Variants in FGF14 observed in about 807,000 individuals in gnomAD.
The protein encoded by FGF14 is fibroblast growth factor homologous factor 4.
In FGF14, 5 loss-of-function variants were observed where a neutral mutation model predicts 25.5. That is an observed-to-expected ratio of 0.20 (90% CI 0.10 to 0.41). FGF14 has a LOEUF of 0.41. FGF14 is among the 10% of genes least tolerant of loss of function. FGF14 has a pLI of 1.00. For synonymous variants in FGF14, 138 were observed against 118.3 expected (o/e 1.17, Z -1.08); for missense variants, 222 against 320.1 (o/e 0.69, Z 2.34).
intron 1 of FGF14, among the ~76,000 whole-genome samples, chr13:102,382,615 G>A (rs1422717640): frequency 6.6e-6 from 1 of 152,030 alleles, no homozygotes; most frequent in Admixed American, 6.6e-5. Flanking sequence ...TAATTCCATT[G>A]CTAGTTACAT....
At chr13:101,954,258 A>G (rs781755892) in intron 1 of FGF14, among the ~76,000 whole-genome samples, 13 of 142,834 alleles carry the variant, frequency 9.1e-5, no homozygotes, top group Non-Finnish European at 1.5e-4. Flanking sequence ...TGTTCTGTTC[A>G]GTAAAATTAG....
intron 3 of FGF14, among the ~76,000 whole-genome samples, chr13:101,787,935 G>A (rs2140068625): frequency 6.6e-6 from 1 of 152,270 alleles, no homozygotes; most frequent in African/African-American, 2.4e-5. Context: ...GCAGTGGCAG[G>A]ATTTCACCTC....
chr13:101,969,067 A>T (rs2139523839), intron 1 of FGF14, among the ~76,000 whole-genome samples: 1 of 152,274 alleles, frequency 6.6e-6, no homozygotes, highest in South Asian at 2.1e-4. Context: ...GGTCAGTGGA[A>T]GGGGAGGTAA....
chr13:101,726,211 C>T (rs180933271), intron 4 of FGF14, among the ~76,000 whole-genome samples: 4 of 152,074 alleles, frequency 2.6e-5, no homozygotes, highest in Admixed American at 6.6e-5. Context: ...ACTTTTGATT[C>T]CACGCTCAAA....
intron 1 of FGF14, among the ~76,000 whole-genome samples, chr13:102,187,749 G>C (rs925678437): frequency 3.9e-4 from 59 of 152,304 alleles, no homozygotes; most frequent in African/African-American, 1.4e-3. Flanking sequence ...AAAAGCCATA[G>C]TTACAGTTGG....
At chr13:102,185,037 C>A (rs2048824119) in intron 1 of FGF14, among the ~76,000 whole-genome samples, 1 of 151,990 alleles carries the variant, frequency 6.6e-6, no homozygotes, top group East Asian at 1.9e-4. Context: ...AATTTAATAA[C>A]ATTAAAAATG....
At chr13:101,867,528 A>T (rs1041565356) in intron 3 of FGF14, among the ~76,000 whole-genome samples, 1 of 152,200 alleles carries the variant, frequency 6.6e-6, no homozygotes, top group Non-Finnish European at 1.5e-5. Context: ...CAAAAATAAC[A>T]GAGCAAGTTC....
At chr13:101,743,014 A>G (rs1407943479) in intron 3 of FGF14, among the ~76,000 whole-genome samples, 2 of 152,184 alleles carry the variant, frequency 1.3e-5, no homozygotes, top group African/African-American at 4.8e-5. Flanking sequence ...TATTTCTCTT[A>G]TCTACCTATG....
At position 101,722,868 on chromosome 13, in the gene FGF14, T is replaced by C. The variant is rs1316938283; in HGVS notation, c.707A>G (p.Asn236Ser). ...ACTCTTGTTGACTGGTTTGCCTCCA[T>C]TCATTATTGCAGACGCACTTGTGCT... ...SKSTSASAIM[N>S]GGKPVNKSKT... The change falls in exon 5 of 5, where the codon AAT becomes AGT. Residue 236 changes from asparagine to serine, a missense_variant. Around this residue, in one of 5 missense-constraint regions of FGF14, gnomAD observed 66 missense variants for 90.3 expected, o/e 0.73. Transcript: ENST00000376143. 1 of 1,613,392 alleles carries C rather than the reference T, an allele frequency of 6.2e-7. No individual in the cohort carries two copies. The highest frequency in any genetic ancestry group is 1.1e-5 in the South Asian group (1 of 91,072).
At chr13:101,771,263 AAG>A (rs886450500) in intron 3 of FGF14, among the ~76,000 whole-genome samples, 1 of 152,106 alleles carries the variant, frequency 6.6e-6, no homozygotes, top group African/African-American at 2.4e-5. Flanking sequence ...TACATCCACA[AAG>A]AGAGTAGAAG....
chr13:101,785,079 A>G (rs1289825713), intron 3 of FGF14, among the ~76,000 whole-genome samples: 3 of 152,152 alleles, frequency 2.0e-5, no homozygotes, highest in African/African-American at 4.8e-5. Context: ...TAGGTACTCT[A>G]TTTGAGTAGA....
At chr13:101,882,438 T>C (rs951029387) in intron 1 of FGF14, among the ~76,000 whole-genome samples, 2 of 152,146 alleles carry the variant, frequency 1.3e-5, no homozygotes, top group African/African-American at 4.8e-5. Context: ...CATCAGGATA[T>C]TGCATTAACC....
intron 1 of FGF14, among the ~76,000 whole-genome samples, chr13:102,077,178 A>G (rs1944280145): frequency 1.3e-5 from 2 of 152,192 alleles, no homozygotes; most frequent in South Asian, 4.1e-4. Context: ...AATGTATGAC[A>G]CAAGTTATAA....
intron 1 of FGF14, among the ~76,000 whole-genome samples, chr13:102,088,282 G>A (rs1404804779): frequency 6.6e-6 from 1 of 152,106 alleles, no homozygotes; most frequent in East Asian, 1.9e-4. Context: ...TTTAATGAAG[G>A]CCACTTTAAA....
At chr13:102,286,441 A>T (rs989017425) in intron 1 of FGF14, among the ~76,000 whole-genome samples, 1 of 152,154 alleles carries the variant, frequency 6.6e-6, no homozygotes, top group Non-Finnish European at 1.5e-5. Flanking sequence ...CACATATTTC[A>T]TTGAAATGTT....
At chr13:102,126,300 C>T (rs772030178) in intron 1 of FGF14, among the ~76,000 whole-genome samples, 8 of 152,194 alleles carry the variant, frequency 5.3e-5, no homozygotes, top group Non-Finnish European at 7.3e-5. Flanking sequence ...AGGAACTTCA[C>T]GCATGTGGAA....
chr13:102,385,805 C>G (rs1483467435), intron 1 of FGF14, among the ~76,000 whole-genome samples: 2 of 152,126 alleles, frequency 1.3e-5, no homozygotes, highest in Non-Finnish European at 2.9e-5. Flanking sequence ...GGCATACATA[C>G]ACACCCATAA....
At chr13:102,298,722 T>A (rs1476265733) in intron 1 of FGF14, among the ~76,000 whole-genome samples, 1 of 152,180 alleles carries the variant, frequency 6.6e-6, no homozygotes. Flanking sequence ...ATTAGTTAAG[T>A]GGCTTCTTAG....
chr13:102,016,519 T>C (rs1054688740), intron 1 of FGF14, among the ~76,000 whole-genome samples: 3 of 152,212 alleles, frequency 2.0e-5, no homozygotes, highest in African/African-American at 4.8e-5. Context: ...ATGTGAGCTG[T>C]ATTGTACAGG....
Sources: gnomAD v4.1 joint callset for allele counts (sites outside exome capture counted in the v4.1 genomes callset) on GRCh38, gnomAD v4.1.1 for gene constraint, gnomAD v4.1.1 regional missense constraint, MANE v1.5 for transcripts, NCBI Gene and HGNC (gene_info 2026-07-23, HGNC 2026-07-21) for gene names.